SH3TC2: variants seen among roughly 807,000 people sequenced by gnomAD.
SH3TC2 encodes SH3 domain and tetratricopeptide repeat-containing protein 2.
SH3TC2 carries 87 observed loss-of-function variants against 124.5 expected under a neutral mutation model. That is an observed-to-expected ratio of 0.70 (90% confidence interval 0.59 to 0.84). The LOEUF (loss-of-function observed/expected upper bound fraction) is 0.84, where lower values mean the gene tolerates loss of function less well. Among genes scored for constraint, SH3TC2 ranks in the 40% least tolerant of loss-of-function variants. The pLI is 0.00. For missense variants in SH3TC2, 1,536 were observed against 1,566.4 expected, an observed-to-expected ratio of 0.98 and a Z score of 0.33; for synonymous variants, 634 against 628.5, an observed-to-expected ratio of 1.01 and a Z score of -0.13.
Position 149,027,859 on chromosome 5 carries a change from C to G in SH3TC2, c.1873G>C (p.Val625Leu). Residue 625 changes from valine (V) to leucine (L), a missense_variant, in exon 11 of 17, where the codon GTG becomes CTG. Physicochemically the swap from Val to Leu is conservative, Grantham distance 32. Coordinates refer to ENST00000515425, the MANE Select transcript of SH3TC2 (RefSeq NM_024577.4). ...GCCTCCAGCGGGCTGCTGCCCACCA[C>G]AATCCCCTGGCGCAGCACGTAGGCC... is the stretch of plus-strand genomic sequence containing the variant. ...VVAYVLRQGI[V>L]VGSSPLEARA... 1 of 1,613,912 alleles carries G rather than the reference C, an allele frequency of 6.2e-7. No homozygotes were observed. Among genetic ancestry groups the G allele is most frequent in the Non-Finnish European group, 8.5e-7 (1 of 1,180,026 alleles).
intron 14 of SH3TC2, among the ~76,000 whole-genome samples, chr5:149,009,774 C>A (rs1487266417): frequency 6.6e-6 from 1 of 152,072 alleles, no homozygotes; most frequent in Non-Finnish European, 1.5e-5. Context: ...CCTCATCCTT[C>A]GCAATAATAT....
intron 5 of SH3TC2, 101 bp from the exon 6 acceptor site, chr5:149,041,718 T>A: frequency 3.8e-6 from 5 of 1,317,868 alleles, no homozygotes; most frequent in Non-Finnish European, 5.4e-6. Context: ...GGAGTACTTT[T>A]CTTCCTGGAA....
intron 2 of SH3TC2, among the ~76,000 whole-genome samples, chr5:149,051,327 T>C (rs1754553302): frequency 6.6e-6 from 1 of 152,234 alleles, no homozygotes; most frequent in African/African-American, 2.4e-5. Context: ...ACTTCACATA[T>C]TCATTTAGTT....
intron 1 of SH3TC2, among the ~76,000 whole-genome samples, chr5:149,052,533 T>C (rs1754576389): frequency 1.3e-5 from 2 of 152,192 alleles, no homozygotes; most frequent in South Asian, 2.1e-4. Flanking sequence ...GTGCTCAATA[T>C]ACATTGAGCC....
At chr5:149,017,576 T>A (rs935454575) in intron 12 of SH3TC2, among the ~76,000 whole-genome samples, 1 of 151,964 alleles carries the variant, frequency 6.6e-6, no homozygotes, top group Admixed American at 6.6e-5. Flanking sequence ...ATCTTTCAAA[T>A]AAAAGAAATT....
chr5:149,055,261 A>G (rs1754627187), intron 1 of SH3TC2, among the ~76,000 whole-genome samples: 1 of 152,136 alleles, frequency 6.6e-6, no homozygotes, highest in Non-Finnish European at 1.5e-5. Flanking sequence ...GAAAATATTG[A>G]TCATACGTAT....
chr5:149,029,907 G>A (rs1408736250), intron 9 of SH3TC2, among the ~76,000 whole-genome samples: 1 of 152,116 alleles, frequency 6.6e-6, no homozygotes, highest in Non-Finnish European at 1.5e-5. Flanking sequence ...ACAACTGTCT[G>A]TGCCACCACC....
At chr5:149,020,125 C>CACACACACAT (rs1197016741) in intron 12 of SH3TC2, among the ~76,000 whole-genome samples, 2 of 151,796 alleles carry the variant, frequency 1.3e-5, no homozygotes, top group Non-Finnish European at 2.9e-5. Context: ...CACACACACA[C>CACACACACAT]ACACACACAC....
At position 148,988,114 on chromosome 5, in the gene SH3TC2, G is replaced by A. The variant is rs1753363268; in HGVS notation, c.*16597C>T. On this transcript the variant is annotated 3_prime_UTR_variant, in exon 17 of 17. Transcript: ENST00000515425. Reference sequence around the variant, plus strand: ...TTAAGGACAAGGCTGGGTTCTTTTGGCCTTACTGGGTAATAAAAACTCTAT... The same window carrying A: ...TTAAGGACAAGGCTGGGTTCTTTTGACCTTACTGGGTAATAAAAACTCTAT... Among the ~76,000 whole-genome samples the A allele has an allele frequency of 6.6e-6, 1 of 152,104 alleles. No individual in the cohort carries two copies. Among genetic ancestry groups the A allele is most frequent in the African/African-American group, 2.4e-5 (1 of 41,398 alleles).
At position 149,001,693 on chromosome 5, in the gene SH3TC2, A is replaced by C. The variant is rs1753600732; in HGVS notation, c.*3018T>G. 6.6e-6 allele frequency: 1 copy of C among 152,248 alleles called. No individual in the cohort carries two copies. Among genetic ancestry groups the C allele is most frequent in the African/African-American group, 2.4e-5 (1 of 41,474 alleles). 9.4% of individuals were successfully genotyped at this position (152,248 alleles called of 1,614,324 possible). A position where few individuals can be genotyped will look rare whatever the true frequency, so the allele number is the denominator to read the frequency against. On this transcript the variant is annotated 3_prime_UTR_variant, in exon 17 of 17. Coordinates refer to ENST00000515425, the MANE Select transcript of SH3TC2 (RefSeq NM_024577.4). Reference sequence around the variant, plus strand: ...AGCACAATGTTTTTCTTATTTTAAAAAAATAGTCTTACCCTTGTCTTTGGA... The same window carrying C: ...AGCACAATGTTTTTCTTATTTTAAACAAATAGTCTTACCCTTGTCTTTGGA...
At chr5:149,047,151 A>T (rs1420105919) in intron 3 of SH3TC2, 3 of 152,654 alleles carry the variant, frequency 2.0e-5, no homozygotes, top group Non-Finnish European at 4.4e-5. Context: ...TAATTTGATC[A>T]TACCATTCTT....
intron 13 of SH3TC2, among the ~76,000 whole-genome samples, chr5:149,010,896 A>C (rs1286159365): frequency 6.6e-6 from 1 of 152,234 alleles, no homozygotes; most frequent in African/African-American, 2.4e-5. Flanking sequence ...AACATCTTAC[A>C]CTTTCCAGAT....
intron 6 of SH3TC2, 111 bp downstream of exon 6, chr5:149,041,305 T>C: frequency 1.8e-6 from 2 of 1,124,054 alleles, no homozygotes; most frequent in Non-Finnish European, 1.3e-6. Context: ...ACCCAGAATC[T>C]GTTCTCTCCT....
intron 7 of SH3TC2, among the ~76,000 whole-genome samples, chr5:149,039,786 C>T (rs1754338672): frequency 6.6e-6 from 1 of 152,188 alleles, no homozygotes; most frequent in Non-Finnish European, 1.5e-5. Context: ...GACTTCAAAG[C>T]CTTGCGTTCT....
intron 9 of SH3TC2, among the ~76,000 whole-genome samples, chr5:149,030,432 G>A (rs1754169912): frequency 2.0e-5 from 3 of 152,216 alleles, no homozygotes; most frequent in African/African-American, 4.8e-5. Context: ...CCCACCACTG[G>A]ACCAACAGCT....
intron 16 of SH3TC2, 85 bp from the exon 17 acceptor site, chr5:149,004,987 G>GTTTTT (rs201226305): frequency 2.0e-4 from 266 of 1,359,108 alleles, no homozygotes; most frequent in Non-Finnish European, 2.4e-4. Context: ...GGCCACTCTA[G>GTTTTT]TTTTTTTTGT....
intron 12 of SH3TC2, among the ~76,000 whole-genome samples, chr5:149,015,748 C>T (rs1753861344): frequency 6.6e-6 from 1 of 152,186 alleles, no homozygotes; most frequent in Non-Finnish European, 1.5e-5. Flanking sequence ...CAGGTCCCTG[C>T]CCTGCCTGGA....
intron 15 of SH3TC2, chr5:149,008,547 C>T (rs1251199803): frequency 2.1e-6 from 1 of 468,940 alleles, no homozygotes; most frequent in Non-Finnish European, 3.9e-6. Context: ...TAGTGTGGCA[C>T]AGGCAACACT....
chr5:149,000,512 T>A lies in SH3TC2; in HGVS notation c.*4199A>T, dbSNP rs1430663446. ...ACATAATTCTGTTTATGGAAAACAA[T>A]ACAAGTTTTTCTTCTATATAGACTA... On this transcript the variant is annotated 3_prime_UTR_variant, in exon 17 of 17. Coordinates refer to ENST00000515425, the MANE Select transcript of SH3TC2 (RefSeq NM_024577.4). 6.6e-6 allele frequency among the ~76,000 whole-genome samples: 1 copy of A among 152,266 alleles called. No homozygotes were observed. The highest frequency in any genetic ancestry group is 1.5e-5 in the Non-Finnish European group (1 of 68,038).
Sources: gnomAD v4.1 joint callset for allele counts (sites outside exome capture counted in the v4.1 genomes callset) on GRCh38, gnomAD v4.1.1 for gene constraint, MANE v1.5 for transcripts, NCBI Gene and HGNC (gene_info 2026-07-23, HGNC 2026-07-21) for gene names.